The following UPF3B variants were observed in gnomAD, a reference collection of about 807,000 sequenced individuals.
UPF3B encodes the protein regulator of nonsense transcripts 3B.
UPF3B carries 7 observed loss-of-function variants against 40.3 expected under a neutral mutation model. The ratio of observed to expected loss-of-function variants is 0.17; its 90% CI spans 0.10 to 0.33. The LOEUF is 0.33. UPF3B is among the 10% of genes least tolerant of loss of function. UPF3B has a pLI of 1.00. For missense variants in UPF3B, 229 were observed against 358.9 expected (o/e 0.64, Z 2.93); for synonymous variants, 117 against 117.3 (o/e 1.00, Z 0.01).
At chrX:119,824,892 G>A (rs1479429798) in intron 3 of UPF3B, among the ~76,000 whole-genome samples, 3 of 106,360 alleles carry the variant, frequency 2.8e-5, no homozygotes, top group Admixed American at 2.1e-4. Context: ...TCAGCCTCTC[G>A]AGTAGCTGGG....
downstream of UPF3B, chrX:119,833,988 T>C (rs565730307): frequency 4.9e-5 from 36 of 742,074 alleles, no homozygotes; most frequent in South Asian, 4.1e-4. Context: ...TCAAAACTCA[T>C]AGCTATTTAG....
intron 4 of UPF3B, among the ~76,000 whole-genome samples, chrX:119,818,717 A>C (rs1204155288): frequency 8.9e-6 from 1 of 112,269 alleles, no homozygotes; most frequent in Admixed American, 9.5e-5. Flanking sequence ...AAGAACAGAG[A>C]TTTCAACGGA....
At chrX:119,828,957 G>T (rs1394662985) in intron 3 of UPF3B, among the ~76,000 whole-genome samples, 3 of 111,474 alleles carry the variant, frequency 2.7e-5, no homozygotes, top group Non-Finnish European at 1.9e-5. Flanking sequence ...CTGACCTCAG[G>T]TGATACATCC....
At chrX:119,812,228 G>A (rs1373008831) in intron 5 of UPF3B, among the ~76,000 whole-genome samples, 2 of 109,924 alleles carry the variant, frequency 1.8e-5, no homozygotes, top group East Asian at 5.8e-4. Flanking sequence ...ACTACAGCCT[G>A]GGTGACAGAG....
At chrX:119,846,543 A>C (rs753336451) in intron 3 of UPF3B, among the ~76,000 whole-genome samples, 1 of 106,918 alleles carries the variant, frequency 9.4e-6, no homozygotes, top group East Asian at 2.8e-4. Context: ...AAAAAGAAAA[A>C]ACAATTATTA....
chrX:119,850,602 A>G (rs1034112511), intron 3 of UPF3B, among the ~76,000 whole-genome samples: 2 of 112,503 alleles, frequency 1.8e-5, no homozygotes, highest in African/African-American at 6.5e-5. Flanking sequence ...ATAATTGCAA[A>G]CCAAAAAGAA....
At chrX:119,840,721 C>T (rs1302914472) in intron 7 of UPF3B, 37 bp from the exon 8 acceptor site, 1 of 1,169,230 alleles carries the variant, frequency 8.6e-7, no homozygotes, top group Non-Finnish European at 1.2e-6. Context: ...GAGGTAACTT[C>T]ATGTATCAAT....
downstream of UPF3B, among the ~76,000 whole-genome samples, chrX:119,829,422 T>TA (rs2056014691): frequency 8.9e-6 from 1 of 112,212 alleles, no homozygotes; most frequent in Non-Finnish European, 1.9e-5. Context: ...TGTACTTCTC[T>TA]AAAAAGTTGT....
chrX:119,815,427 G>T, intron 4 of UPF3B: 1 of 189,661 alleles, frequency 5.3e-6, no homozygotes, highest in Non-Finnish European at 8.1e-6. Flanking sequence ...GACCAAAAAT[G>T]TGAAGGCATG....
chrX:119,834,189 C>A lies in UPF3B; in HGVS notation c.*689G>T. The A allele has an allele frequency of 1.3e-6, 1 of 755,073 alleles. No individual in the cohort carries two copies. Among genetic ancestry groups the A allele is most frequent in the African/African-American group, 2.3e-5 (1 of 43,855 alleles). The allele number at this position is 755,073 out of a possible 1,213,427, so 62.2% of individuals were successfully genotyped here. The stretch of plus-strand genomic sequence containing the variant: ...ACACACTGGATTGTCAAGAGTCAAA[C>A]AAGGACTACATTTTACCTCTTAATA... On this transcript the variant is annotated 3_prime_UTR_variant, in exon 11 of 11. Coordinates refer to ENST00000276201, the MANE Select transcript of UPF3B (RefSeq NM_080632.3).
At chrX:119,811,232 T>C (rs1299051272) in intron 5 of UPF3B, among the ~76,000 whole-genome samples, 1 of 110,560 alleles carries the variant, frequency 9.0e-6, no homozygotes, top group African/African-American at 3.3e-5. Flanking sequence ...TTAGTAGAGG[T>C]GGGGTTTTGC....
At chrX:119,833,916 G>C (rs2056063230), downstream of UPF3B, 8 of 513,358 alleles carry the variant, frequency 1.6e-5, no homozygotes, top group African/African-American at 2.6e-5. Flanking sequence ...TCTGCCATGA[G>C]TTAAAGCTCC....
At chrX:119,807,194 G>C (rs538860083) in intron 6 of UPF3B, among the ~76,000 whole-genome samples, 92 of 111,649 alleles carry the variant, frequency 8.2e-4, no homozygotes, top group African/African-American at 2.8e-3. Flanking sequence ...CTCACCATCA[G>C]CTTTTTCTGA....
At chrX:119,831,328 T>G (rs867879267), downstream of UPF3B, among the ~76,000 whole-genome samples, 5 of 91,864 alleles carry the variant, frequency 5.4e-5, no homozygotes, top group Non-Finnish European at 4.0e-5. Flanking sequence ...CCTTTTTTTG[T>G]TTTTTTTTTT....
chrX:119,825,573 C>T (rs778089285), intron 3 of UPF3B, among the ~76,000 whole-genome samples: 2 of 111,219 alleles, frequency 1.8e-5, no homozygotes, highest in African/African-American at 3.3e-5. Flanking sequence ...TAGTTTGAGG[C>T]ATTAAAAAAG....
At chrX:119,806,242 C>T (rs1266299711) in intron 6 of UPF3B, among the ~76,000 whole-genome samples, 1 of 94,227 alleles carries the variant, frequency 1.1e-5, no homozygotes, top group Non-Finnish European at 2.1e-5. Flanking sequence ...AACAAAAAAC[C>T]AAACACCGCA....
chrX:119,823,076 C>A, intron 3 of UPF3B: 2 of 702,749 alleles, frequency 2.8e-6, no homozygotes, highest in South Asian at 1.3e-4. Flanking sequence ...ACTGTTACAA[C>A]AATGCTACTA....
chrX:119,847,690 C>T (rs2056251727), intron 3 of UPF3B, among the ~76,000 whole-genome samples: 1 of 109,535 alleles, frequency 9.1e-6, no homozygotes, highest in African/African-American at 3.3e-5. Context: ...TTGCTTGCAC[C>T]TGGGAGGTGG....
chrX:119,828,216 T>C (rs1444828996), intron 3 of UPF3B, among the ~76,000 whole-genome samples: 1 of 110,579 alleles, frequency 9.0e-6, no homozygotes. Context: ...CATGCCACCA[T>C]GCCTCGCTAA....
Sources: gnomAD v4.1 joint callset for allele counts (sites outside exome capture counted in the v4.1 genomes callset) on GRCh38, gnomAD v4.1.1 for gene constraint, MANE v1.5 for transcripts, NCBI Gene and HGNC (gene_info 2026-07-23, HGNC 2026-07-21) for gene names.